The following EDF1 variants were observed in gnomAD, a reference collection of about 807,000 sequenced individuals.
The protein encoded by EDF1 is endothelial differentiation related factor 1.
Under a neutral mutation model 20.8 loss-of-function variants are expected in EDF1, and 5 were observed. The ratio of observed to expected loss-of-function variants is 0.24; its 90% CI spans 0.13 to 0.51. EDF1 has a LOEUF of 0.51. Among genes scored for constraint, EDF1 ranks in the 20% least tolerant of loss-of-function variants. The pLI is 0.97. For synonymous variants in EDF1, 96 were observed against 78.5 expected (o/e 1.22, Z -1.18); for missense variants, 137 against 197.8 (o/e 0.69, Z 1.84).
Position 136,863,736 on chromosome 9 carries a change from C to CG in EDF1, c.130+83dup, listed in dbSNP as rs35567784. 1.3e-6 allele frequency: 2 copies of CG among 1,528,922 alleles called. No homozygotes were observed. Among genetic ancestry groups the CG allele is most frequent in the Non-Finnish European group, 1.8e-6 (2 of 1,108,288 alleles). 94.7% of individuals were successfully genotyped at this position (1,528,922 alleles called of 1,614,324 possible). A position where few individuals can be genotyped will look rare whatever the true frequency, so the allele number is the denominator to read the frequency against. On this transcript the variant is annotated intron_variant, in intron 2 of 4. Transcript: ENST00000224073. This position sits in a 1 kb window ranked among gnomAD's most constrained non-coding sequence, Gnocchi z 4.5. ...GCAGGCACTCAGCTGACAACGTCCC[C>CG]GGGGGCGCCGCACACACCACACCCA...
Position 136,866,118 on chromosome 9 carries a change from G to C in EDF1, c.78+63C>G, listed in dbSNP as rs1849220787. Reference sequence around the variant, plus strand: ...CCTTCCCCGAGCCCCCTGCCCCACGGTCCGTGGCCCCGGCCCAGCGTCCGC... The same window carrying C: ...CCTTCCCCGAGCCCCCTGCCCCACGCTCCGTGGCCCCGGCCCAGCGTCCGC... On this transcript the variant is annotated intron_variant, in intron 1 of 4. Coordinates refer to ENST00000224073, the MANE Select transcript of EDF1 (RefSeq NM_003792.4). 1.1e-5 allele frequency: 16 copies of C among 1,522,654 alleles called. No individual in the cohort carries two copies. The South Asian group carries it at 1.9e-4, about 18-fold the overall frequency. 94.3% of individuals were successfully genotyped at this position (1,522,654 alleles called of 1,614,324 possible). A position where few individuals can be genotyped will look rare whatever the true frequency, so the allele number is the denominator to read the frequency against.
intron 1 of EDF1, 38 bp downstream of exon 1, chr9:136,866,143 C>T (rs1372320902): frequency 1.3e-6 from 2 of 1,571,922 alleles, no homozygotes; most frequent in Non-Finnish European, 1.7e-6. Flanking sequence ...CCAGCGTCCG[C>T]CCCGCCCGGC....
chr9:136,863,937 A>C lies in EDF1; in HGVS notation c.79-66T>G. 6.4e-7 allele frequency: 1 copy of C among 1,564,056 alleles called. No individual in the cohort carries two copies. The highest frequency in any genetic ancestry group is 8.8e-7 in the Non-Finnish European group (1 of 1,138,528). The stretch of plus-strand genomic sequence containing the variant: ...GACAGTATCCAGCACACACCAATTC[A>C]GGCCTGCTGTTAGCCAGTTAGCACA... On this transcript the variant is annotated intron_variant, in intron 1 of 4. Coordinates refer to ENST00000224073, the MANE Select transcript of EDF1 (RefSeq NM_003792.4). This position sits in a 1 kb window ranked among gnomAD's most constrained non-coding sequence, Gnocchi z 4.5.
chr9:136,865,882 G>C (rs1456715505), intron 1 of EDF1, among the ~76,000 whole-genome samples: 3 of 84,984 alleles, frequency 3.5e-5, no homozygotes, highest in Non-Finnish European at 6.6e-5. Context: ...CCCTTGCCCC[G>C]TCCGGTTCCC....
intron 1 of EDF1, among the ~76,000 whole-genome samples, chr9:136,865,766 C>G (rs1217921714): frequency 2.0e-5 from 3 of 151,748 alleles, no homozygotes; most frequent in African/African-American, 4.8e-5. Flanking sequence ...GTCCCCGTCC[C>G]CGTCCCCACC....
Position 136,862,839 on chromosome 9 carries a change from C to T in EDF1, c.385+67G>A, listed in dbSNP as rs769161337. On this transcript the variant is annotated intron_variant, in intron 4 of 4. Coordinates refer to ENST00000224073, the MANE Select transcript of EDF1 (RefSeq NM_003792.4). The surrounding 1 kb of genome is among the most constrained non-coding windows in gnomAD (Gnocchi z 4.1). ...TTCTTCCCCCGAGTCCCACTCTCAC[C>T]AACCCCAGCTGGGAGCGGGTAGCCT... The T allele has an allele frequency of 2.2e-5, 36 of 1,611,544 alleles. No homozygotes were observed. The Admixed American group carries it at 5.7e-4, about 25-fold the overall frequency.
chr9:136,863,848 T>C lies in EDF1; in HGVS notation c.102A>G (p.Arg34=), dbSNP rs1253198277. 18 of 1,613,958 alleles carry C rather than the reference T, an allele frequency of 1.1e-5. No homozygotes were observed. The Admixed American group carries it at 3.0e-4, about 27-fold the overall frequency. Residue 34 remains arginine (R), a synonymous_variant, in exon 2 of 5, where the codon CGA becomes CGG. Coordinates refer to ENST00000224073, the MANE Select transcript of EDF1 (RefSeq NM_003792.4). The surrounding 1 kb of genome is among the most constrained non-coding windows in gnomAD (Gnocchi z 4.5). ...SKQAILAAQR[R]GEDVETSKKW... ...TCTTGGAAGTCTCCACATCTTCTCC[T>C]CGTCTCTGTGCCGCTAAGATAGCCT...
chr9:136,862,480 A>G lies in EDF1; in HGVS notation c.386-135T>C, dbSNP rs1849121504. 1.2e-6 allele frequency: 2 copies of G among 1,612,506 alleles called. No individual in the cohort carries two copies. The highest frequency in any genetic ancestry group is 8.5e-7 in the Non-Finnish European group (1 of 1,179,782). On this transcript the variant is annotated intron_variant, in intron 4 of 4. Transcript: ENST00000224073. This position sits in a 1 kb window ranked among gnomAD's most constrained non-coding sequence, Gnocchi z 4.1. ...CTCACTGGGCTCTCAGCACACGAGC[A>G]CTCCTGGTTCCCACATCTAATTTTG... is the stretch of plus-strand genomic sequence containing the variant.
Position 136,863,167 on chromosome 9 carries a change from G to A in EDF1, c.291+121C>T, listed in dbSNP as rs1404789998. 6.5e-6 allele frequency: 10 copies of A among 1,530,774 alleles called. No homozygotes were observed. Among genetic ancestry groups the A allele is most frequent in the East Asian group, 4.5e-5 (2 of 44,236 alleles). 94.8% of individuals were successfully genotyped at this position (1,530,774 alleles called of 1,614,324 possible). On this transcript the variant is annotated intron_variant, in intron 3 of 4. Coordinates refer to ENST00000224073, the MANE Select transcript of EDF1 (RefSeq NM_003792.4). This position sits in a 1 kb window ranked among gnomAD's most constrained non-coding sequence, Gnocchi z 4.5. ...GAGAGCCGGGCTGACCTGGCTTCCC[G>A]AGGCATTCCCTGCAGGGGAACCAGG... is the stretch of plus-strand genomic sequence containing the variant.
In EDF1 at chr9:136,863,516, A is replaced by G; in HGVS notation, c.131-68T>C. ...TTAACCTGAAGAAAAACCATTTCAA[A>G]GCGGTAACCAGACCCCAGAGGCTGC... On this transcript the variant is annotated intron_variant, in intron 2 of 4. Transcript: ENST00000224073. The surrounding 1 kb of genome is among the most constrained non-coding windows in gnomAD (Gnocchi z 4.5). 6.5e-7 allele frequency: 1 copy of G among 1,540,254 alleles called. No homozygotes were observed. Among genetic ancestry groups the G allele is most frequent in the South Asian group, 1.2e-5 (1 of 82,148 alleles).
At position 136,862,833 on chromosome 9, in the gene EDF1, T is replaced by A. The variant is rs373565668; in HGVS notation, c.385+73A>T. 94 of 1,611,312 alleles carry A rather than the reference T, an allele frequency of 5.8e-5. No homozygotes were observed. Among genetic ancestry groups the A allele is most frequent in the Admixed American group, 3.3e-4 (20 of 59,988 alleles). ...GCCATCTTCTTCCCCCGAGTCCCAC[T>A]CTCACCAACCCCAGCTGGGAGCGGG... On this transcript the variant is annotated intron_variant, in intron 4 of 4. Transcript: ENST00000224073. The surrounding 1 kb of genome is among the most constrained non-coding windows in gnomAD (Gnocchi z 4.1).
chr9:136,863,265 T>C lies in EDF1; in HGVS notation c.291+23A>G, dbSNP rs962193703. 3 of 1,601,410 alleles carry C rather than the reference T, an allele frequency of 1.9e-6. No homozygotes were observed. The highest frequency in any genetic ancestry group is 1.1e-5 in the South Asian group (1 of 90,734). The stretch of plus-strand genomic sequence containing the variant: ...CTCCCCAAACCCACAACCCCAGGAG[T>C]GAGAGCCCCGGCGCAGCCTCACCGT... On this transcript the variant is annotated intron_variant, in intron 3 of 4. Transcript: ENST00000224073. This position sits in a 1 kb window ranked among gnomAD's most constrained non-coding sequence, Gnocchi z 4.5.
At chr9:136,865,193 G>A (rs558747510) in intron 1 of EDF1, among the ~76,000 whole-genome samples, 1 of 152,264 alleles carries the variant, frequency 6.6e-6, no homozygotes, top group Admixed American at 6.5e-5. Context: ...ATGAGGCAGA[G>A]GCGGTGACTA....
chr9:136,866,172 G>A lies in EDF1; in HGVS notation c.78+9C>T. 1 of 1,595,594 alleles carries A rather than the reference G, an allele frequency of 6.3e-7. No homozygotes were observed. Among genetic ancestry groups the A allele is most frequent in the Admixed American group, 1.7e-5 (1 of 58,634 alleles). ...GCCCGGCCCGGCCGCTCCTCAGTCA[G>A]CAAAGCACCTGCTTGGATTTGGCCT... On this transcript the variant is annotated intron_variant, in intron 1 of 4. Coordinates refer to ENST00000224073, the MANE Select transcript of EDF1 (RefSeq NM_003792.4).
Position 136,863,669 on chromosome 9 carries a change from G to A in EDF1, c.130+151C>T, listed in dbSNP as rs1588399960. 3 of 1,114,018 alleles carry A rather than the reference G, an allele frequency of 2.7e-6. No individual in the cohort carries two copies. Among genetic ancestry groups the A allele is most frequent in the South Asian group, 1.4e-5 (1 of 69,746 alleles). 69.0% of individuals were successfully genotyped at this position (1,114,018 alleles called of 1,614,324 possible). A position where few individuals can be genotyped will look rare whatever the true frequency, so the allele number is the denominator to read the frequency against. ...CTCATGCCAACCAGAGCTGCTCTGG[G>A]AAGATGGCTGCCTCCCAGGGCTCCG... is the stretch of plus-strand genomic sequence containing the variant. On this transcript the variant is annotated intron_variant, in intron 2 of 4. Transcript: ENST00000224073. The surrounding 1 kb of genome is among the most constrained non-coding windows in gnomAD (Gnocchi z 4.5).
In EDF1 at chr9:136,863,207, C is replaced by T; in HGVS notation, c.291+81G>A. On this transcript the variant is annotated intron_variant, in intron 3 of 4. Transcript: ENST00000224073. This position sits in a 1 kb window ranked among gnomAD's most constrained non-coding sequence, Gnocchi z 4.5. ...GGGGAACCAGGGGGGTGGAGCCCAC[C>T]CTCCCCGTGCTATCTGAACACCGGC... 2.6e-6 allele frequency: 4 copies of T among 1,558,418 alleles called. No individual in the cohort carries two copies. The highest frequency in any genetic ancestry group is 3.5e-6 in the Non-Finnish European group (4 of 1,153,930).
In EDF1 at chr9:136,866,163, C is replaced by T. The variant is rs758242312; in HGVS notation, c.78+18G>A. The T allele has an allele frequency of 1.6e-5, 25 of 1,591,348 alleles. No individual in the cohort carries two copies. The Admixed American group carries it at 4.1e-4, about 26-fold the overall frequency. ...GTCCGCCCCGCCCGGCCCGGCCGCT[C>T]CTCAGTCAGCAAAGCACCTGCTTGG... On this transcript the variant is annotated intron_variant, in intron 1 of 4. Transcript: ENST00000224073.
At position 136,866,272 on chromosome 9, in the gene EDF1, G is replaced by C. The variant is rs370306947; in HGVS notation, c.-14C>G. The stretch of plus-strand genomic sequence containing the variant: ...GCTCTCGGCCATGGCGGGCGAAGAC[G>C]AGCGTCCGTCCGGCGGCTCAGCGGC... On this transcript the variant is annotated 5_prime_UTR_variant, in exon 1 of 5. Transcript: ENST00000224073. 3.1e-6 allele frequency: 5 copies of C among 1,593,534 alleles called. No individual in the cohort carries two copies. The highest frequency in any genetic ancestry group is 2.3e-5 in the South Asian group (2 of 88,690).
Position 136,862,173 on chromosome 9 carries a change from C to T in EDF1, c.*111G>A, listed in dbSNP as rs976450244. On this transcript the variant is annotated 3_prime_UTR_variant, in exon 5 of 5. Transcript: ENST00000224073. The surrounding 1 kb of genome is among the most constrained non-coding windows in gnomAD (Gnocchi z 4.1). ...CAGGAATGGGCTGGGGAGGGTCCCC[C>T]GCAAGCTGGACCCCTTGTTCCGTTC... 6.2e-5 allele frequency: 87 copies of T among 1,409,046 alleles called. No homozygotes were observed. Among genetic ancestry groups the T allele is most frequent in the African/African-American group, 2.8e-4 (20 of 70,258 alleles). The allele number at this position is 1,409,046 out of a possible 1,614,324, so 87.3% of individuals were successfully genotyped here.
Sources: allele counts gnomAD v4.1 joint callset (sites outside exome capture counted in the v4.1 genomes callset), GRCh38; gene constraint gnomAD v4.1.1; non-coding constraint Gnocchi (gnomAD v3.1); transcripts MANE v1.5; gene names NCBI Gene and HGNC (gene_info 2026-07-23, HGNC 2026-07-21).